The following RFX3 variants were observed in gnomAD, a reference collection of about 807,000 sequenced individuals.
RFX3 encodes the protein transcription factor RFX3.
Under a neutral mutation model 98.6 loss-of-function variants are expected in RFX3, and 14 were observed. The ratio of observed to expected loss-of-function variants is 0.14; its 90% CI spans 0.09 to 0.22. The LOEUF is 0.22. Among genes scored for constraint, RFX3 ranks in the 10% least tolerant of loss-of-function variants. The pLI, the probability that RFX3 is intolerant of heterozygous loss-of-function variation, is 1.00. For synonymous variants in RFX3, 383 were observed against 328.4 expected (o/e 1.17, Z -1.80); for missense variants, 639 against 926.9 (o/e 0.69, Z 4.03).
At chr9:3,273,620 T>C (rs1224790621) in intron 9 of RFX3, among the ~76,000 whole-genome samples, 2 of 152,002 alleles carry the variant, frequency 1.3e-5, no homozygotes, top group Non-Finnish European at 2.9e-5. Context: ...TCCCAGCACT[T>C]TGGGAGGCTG....
intron 1 of RFX3, among the ~76,000 whole-genome samples, chr9:3,408,335 C>T (rs1483054025): frequency 6.6e-6 from 1 of 152,074 alleles, no homozygotes; most frequent in Admixed American, 6.6e-5. Context: ...CATAGGTAAC[C>T]CTGCAGTACA....
intron 4 of RFX3, among the ~76,000 whole-genome samples, chr9:3,313,462 C>G (rs1830201617): frequency 6.6e-6 from 1 of 152,220 alleles, no homozygotes; most frequent in Non-Finnish European, 1.5e-5. Flanking sequence ...AGTGCTTCTT[C>G]TCCTCCAAAG....
At chr9:3,320,083 C>T (rs1436110404) in intron 4 of RFX3, among the ~76,000 whole-genome samples, 1 of 152,122 alleles carries the variant, frequency 6.6e-6, no homozygotes, top group African/African-American at 2.4e-5. Context: ...ATACTGGGCA[C>T]ATAAAGGATT....
chr9:3,507,042 TC>T (rs987837926), intron 1 of RFX3, among the ~76,000 whole-genome samples: 2 of 151,924 alleles, frequency 1.3e-5, no homozygotes, highest in Non-Finnish European at 2.9e-5. Flanking sequence ...ATTCATTGTT[TC>T]TACTAGAAAA....
At chr9:3,348,347 G>A (rs983768795) in intron 2 of RFX3, among the ~76,000 whole-genome samples, 1 of 152,206 alleles carries the variant, frequency 6.6e-6, no homozygotes, top group Non-Finnish European at 1.5e-5. Flanking sequence ...CCTCTGCAAT[G>A]TTAAGTTTCA....
intron 2 of RFX3, among the ~76,000 whole-genome samples, chr9:3,362,306 T>C (rs7026530): frequency 2.6e-5 from 4 of 152,102 alleles, no homozygotes; most frequent in African/African-American, 7.3e-5. Flanking sequence ...TTAGAAAATA[T>C]TGTATTGTTA....
chr9:3,416,019 CACA>C (rs532549671), intron 1 of RFX3, among the ~76,000 whole-genome samples: 29 of 152,264 alleles, frequency 1.9e-4, no homozygotes, highest in Admixed American at 1.7e-3. Context: ...CTAACATGTG[CACA>C]ACATGTTTCA....
chr9:3,294,144 G>C (rs1348666532), intron 5 of RFX3, among the ~76,000 whole-genome samples: 2 of 152,014 alleles, frequency 1.3e-5, no homozygotes, highest in Admixed American at 6.6e-5. Context: ...TAAATCTTTT[G>C]TTCATTTATT....
intron 3 of RFX3, among the ~76,000 whole-genome samples, chr9:3,334,458 T>C (rs1364011383): frequency 6.6e-6 from 1 of 152,230 alleles, no homozygotes; most frequent in African/African-American, 2.4e-5. Context: ...TGTATCATTA[T>C]ACTCAGTAAA....
chr9:3,291,458 G>T (rs547701854), intron 6 of RFX3, among the ~76,000 whole-genome samples: 1 of 151,966 alleles, frequency 6.6e-6, no homozygotes, highest in Admixed American at 6.6e-5. Context: ...GTTTCCCCCA[G>T]ATTAGAACCA....
chr9:3,436,924 G>A (rs1201979931), intron 1 of RFX3, among the ~76,000 whole-genome samples: 1 of 151,814 alleles, frequency 6.6e-6, no homozygotes, highest in Non-Finnish European at 1.5e-5. Flanking sequence ...GGTAACTCCT[G>A]CAGCCAACTC....
chr9:3,321,112 CA>C (rs1214799891), intron 4 of RFX3, among the ~76,000 whole-genome samples: 2 of 152,016 alleles, frequency 1.3e-5, no homozygotes, highest in Admixed American at 1.3e-4. Context: ...CCATGTTGGT[CA>C]GGCTGGTCTC....
chr9:3,265,274 G>A (rs534086513), intron 12 of RFX3, among the ~76,000 whole-genome samples: 13 of 152,238 alleles, frequency 8.5e-5, no homozygotes, highest in African/African-American at 2.9e-4. Flanking sequence ...TACTGTGAAA[G>A]CACATTTCTA....
intron 1 of RFX3, among the ~76,000 whole-genome samples, chr9:3,450,261 T>A (rs1391109749): frequency 1.3e-5 from 2 of 152,220 alleles, no homozygotes; most frequent in African/African-American, 2.4e-5. Context: ...TACCTCAGAT[T>A]AAGAAAATCT....
intron 3 of RFX3, among the ~76,000 whole-genome samples, chr9:3,337,665 A>G (rs958742611): frequency 9.9e-5 from 15 of 152,166 alleles, no homozygotes; most frequent in Admixed American, 6.5e-4. Context: ...GTACTGCACT[A>G]TCTCTGTGCT....
chr9:3,376,318 A>C (rs182350748), intron 2 of RFX3, among the ~76,000 whole-genome samples: 2 of 152,308 alleles, frequency 1.3e-5, no homozygotes, highest in African/African-American at 4.8e-5. Context: ...CATGGGACTC[A>C]ACAGGTCCAC....
chr9:3,247,046 ACT>A (rs1820769098), intron 15 of RFX3: 3 of 977,538 alleles, frequency 3.1e-6, no homozygotes, highest in Admixed American at 6.2e-5. Flanking sequence ...ATCTGTTTTC[ACT>A]CTTTTTTATT....
intron 15 of RFX3, among the ~76,000 whole-genome samples, chr9:3,246,380 C>G (rs1268261310): frequency 6.6e-6 from 1 of 152,026 alleles, no homozygotes; most frequent in Non-Finnish European, 1.5e-5. Context: ...GCAAGCATAC[C>G]AGGAGGTTGC....
At chr9:3,289,746 C>T (rs935443862) in intron 6 of RFX3, among the ~76,000 whole-genome samples, 1 of 152,010 alleles carries the variant, frequency 6.6e-6, no homozygotes, top group African/African-American at 2.4e-5. Flanking sequence ...GTCTTCTTTA[C>T]TCAAATTTAA....
Sources: gnomAD v4.1 joint callset for allele counts (sites outside exome capture counted in the v4.1 genomes callset) on GRCh38, gnomAD v4.1.1 for gene constraint, MANE v1.5 for transcripts, NCBI Gene and HGNC (gene_info 2026-07-23, HGNC 2026-07-21) for gene names.